The following ROBO1 variants were observed in gnomAD, a reference collection of about 807,000 sequenced individuals.
ROBO1 encodes roundabout homolog 1.
In ROBO1, 149 loss-of-function variants were observed where a neutral mutation model predicts 195.9. That is an observed-to-expected ratio of 0.76 (90% CI 0.67 to 0.87). The LOEUF is 0.87. ROBO1 is among the 40% of genes least tolerant of loss of function. The probability of loss-of-function intolerance (pLI) is 0.00; values close to 1 mark genes in which losing one functional copy is unlikely to be tolerated. For synonymous variants in ROBO1, 816 were observed against 733.2 expected (o/e 1.11, Z -1.82); for missense variants, 1,933 against 2,068.3 (o/e 0.93, Z 1.27).
chr3:79,365,304 G>A (rs1304813674), intron 2 of ROBO1, among the ~76,000 whole-genome samples: 1 of 151,996 alleles, frequency 6.6e-6, no homozygotes, highest in Non-Finnish European at 1.5e-5. Context: ...TCACTTCTTG[G>A]CCTTTCCACC....
intron 4 of ROBO1, among the ~76,000 whole-genome samples, chr3:78,747,558 C>T (rs1345251603): frequency 6.6e-6 from 1 of 152,074 alleles, no homozygotes; most frequent in Non-Finnish European, 1.5e-5. Context: ...CCAACAGCAT[C>T]ACTTTTATGT....
At chr3:79,277,180 T>A (rs139757396) in intron 2 of ROBO1, among the ~76,000 whole-genome samples, 2 of 152,094 alleles carry the variant, frequency 1.3e-5, no homozygotes, top group Non-Finnish European at 2.9e-5. Flanking sequence ...ATGTGTATTG[T>A]AGCACTATTC....
chr3:79,502,114 C>A (rs369712725), intron 2 of ROBO1, among the ~76,000 whole-genome samples: 24 of 152,302 alleles, frequency 1.6e-4, no homozygotes, highest in Admixed American at 1.0e-3. Context: ...GCAGCCCTCA[C>A]TCGTTATCCG....
At chr3:78,662,586 A>G (rs1707491212) in intron 14 of ROBO1, among the ~76,000 whole-genome samples, 2 of 152,206 alleles carry the variant, frequency 1.3e-5, no homozygotes, top group Non-Finnish European at 2.9e-5. Flanking sequence ...GAACAGAAAG[A>G]AGGCAGATAC....
intron 3 of ROBO1, among the ~76,000 whole-genome samples, chr3:79,055,095 G>T (rs940648900): frequency 3.9e-5 from 6 of 152,030 alleles, no homozygotes; most frequent in Non-Finnish European, 8.8e-5. Flanking sequence ...TTTACCTCAA[G>T]GTTTGGTGGG....
At chr3:79,175,949 C>T (rs2081255937) in intron 2 of ROBO1, among the ~76,000 whole-genome samples, 1 of 152,112 alleles carries the variant, frequency 6.6e-6, no homozygotes, top group South Asian at 2.1e-4. Flanking sequence ...GAAGTTCTGG[C>T]AATGTTCTGG....
intron 2 of ROBO1, among the ~76,000 whole-genome samples, chr3:79,570,027 G>A (rs1943227856): frequency 6.6e-6 from 1 of 152,096 alleles, no homozygotes; most frequent in Non-Finnish European, 1.5e-5. Context: ...CCTGAGCCCA[G>A]GAGGTCAAGG....
intron 3 of ROBO1, among the ~76,000 whole-genome samples, chr3:79,048,683 C>A (rs2078640390): frequency 6.6e-6 from 1 of 152,098 alleles, no homozygotes; most frequent in Non-Finnish European, 1.5e-5. Flanking sequence ...CCTCTATTGT[C>A]ACACTATGAT....
intron 21 of ROBO1, among the ~76,000 whole-genome samples, chr3:78,640,192 A>C (rs146228628): frequency 1.3e-5 from 2 of 152,324 alleles, no homozygotes; most frequent in East Asian, 3.9e-4. Context: ...GTTAAAAATC[A>C]AACATGGAAT....
chr3:79,120,939 A>G (rs2080105400), intron 3 of ROBO1, among the ~76,000 whole-genome samples: 1 of 152,180 alleles, frequency 6.6e-6, no homozygotes, highest in Admixed American at 6.5e-5. Context: ...TTTCTGACAA[A>G]TCTGACATGG....
intron 3 of ROBO1, among the ~76,000 whole-genome samples, chr3:79,107,982 G>T (rs1289116656): frequency 5.3e-5 from 8 of 151,704 alleles, no homozygotes; most frequent in Non-Finnish European, 3.0e-5. Context: ...ATAATCAAAT[G>T]ATTTCTTACG....
At chr3:79,135,768 G>T (rs1185639568) in intron 2 of ROBO1, among the ~76,000 whole-genome samples, 1 of 152,142 alleles carries the variant, frequency 6.6e-6, no homozygotes, top group East Asian at 1.9e-4. Flanking sequence ...CTCCTGAGTA[G>T]CTGGGACTGC....
chr3:78,932,899 A>C (rs1319171177), intron 4 of ROBO1, among the ~76,000 whole-genome samples: 1 of 152,146 alleles, frequency 6.6e-6, no homozygotes, highest in African/African-American at 2.4e-5. Context: ...TTTTTTTATA[A>C]AAATGATTTT....
At chr3:78,810,144 G>C (rs1033593209) in intron 4 of ROBO1, among the ~76,000 whole-genome samples, 1 of 152,160 alleles carries the variant, frequency 6.6e-6, no homozygotes, top group Non-Finnish European at 1.5e-5. Flanking sequence ...TACGTTAAGA[G>C]TTCAGTGTAA....
chr3:78,708,323 T>C (rs904879345), intron 8 of ROBO1, among the ~76,000 whole-genome samples: 5 of 152,136 alleles, frequency 3.3e-5, no homozygotes, highest in African/African-American at 1.2e-4. Context: ...ACCAAGATGA[T>C]TGTCATTGAA....
chr3:79,336,253 C>A (rs1168513277), intron 2 of ROBO1, among the ~76,000 whole-genome samples: 1 of 152,212 alleles, frequency 6.6e-6, no homozygotes, highest in Non-Finnish European at 1.5e-5. Context: ...ATCTCCAGGG[C>A]ATGTCAGAGA....
intron 4 of ROBO1, among the ~76,000 whole-genome samples, chr3:78,884,158 C>T (rs943127061): frequency 1.3e-5 from 2 of 152,220 alleles, no homozygotes; most frequent in Middle Eastern, 3.4e-3. Flanking sequence ...AGCAAAGGAA[C>T]ATGAATGTTA....
intron 4 of ROBO1, among the ~76,000 whole-genome samples, chr3:78,773,030 A>T (rs1440371590): frequency 6.6e-6 from 1 of 152,100 alleles, no homozygotes; most frequent in Admixed American, 6.6e-5. Context: ...AATATTCAAG[A>T]AAAAGTAATA....
At chr3:79,428,564 C>A (rs1282815618) in intron 2 of ROBO1, among the ~76,000 whole-genome samples, 1 of 152,080 alleles carries the variant, frequency 6.6e-6, no homozygotes, top group Admixed American at 6.6e-5. Flanking sequence ...CATACTAAAA[C>A]AATGTACCAG....
Sources: gnomAD v4.1 joint callset for allele counts (sites outside exome capture counted in the v4.1 genomes callset) on GRCh38, gnomAD v4.1.1 for gene constraint, MANE v1.5 for transcripts, NCBI Gene and HGNC (gene_info 2026-07-23, HGNC 2026-07-21) for gene names.